TNRC6B: variants seen among roughly 807,000 people sequenced by gnomAD.
TNRC6B encodes trinucleotide repeat-containing gene 6B protein.
TNRC6B carries 52 observed loss-of-function variants against 203.6 expected under a neutral mutation model. That is an observed-to-expected ratio of 0.26 (90% confidence interval 0.20 to 0.32). The LOEUF is 0.32. Among genes scored for constraint, TNRC6B ranks in the 10% least tolerant of loss-of-function variants. The probability of loss-of-function intolerance (pLI) is 1.00; values close to 1 mark genes in which losing one functional copy is unlikely to be tolerated. For synonymous variants in TNRC6B, 838 were observed against 845.7 expected, an observed-to-expected ratio of 0.99 and a Z score of 0.16; for missense variants, 1,923 against 2,286.2, an observed-to-expected ratio of 0.84 and a Z score of 3.24.
chr22:40,059,559 A>G (rs1432910772), intron 1 of TNRC6B, among the ~76,000 whole-genome samples: 1 of 152,150 alleles, frequency 6.6e-6, no homozygotes, highest in Non-Finnish European at 1.5e-5. Context: ...TTAGTCTTGT[A>G]TCACTAACTG....
chr22:40,323,495 G>A lies in TNRC6B; in HGVS notation c.*254G>A, dbSNP rs1433670108. On this transcript the variant is annotated 3_prime_UTR_variant, in exon 23 of 23. Transcript: ENST00000454349. ...CTCTTGAAATACTTGAATCATGAAC[G>A]CCAACCTAGAAAGACAATGTGAAGC... 1.2e-4 allele frequency: 44 copies of A among 363,264 alleles called. No homozygotes were observed. In the East Asian group the frequency reaches 2.0e-3, roughly 16 times the overall value. The allele number at this position is 363,264 out of a possible 1,614,324, so 22.5% of individuals were successfully genotyped here. A position where few individuals can be genotyped will look rare whatever the true frequency, so the allele number is the denominator to read the frequency against.
At chr22:40,079,114 T>G (rs1357752542) in intron 1 of TNRC6B, among the ~76,000 whole-genome samples, 1 of 151,226 alleles carries the variant, frequency 6.6e-6, no homozygotes, top group African/African-American at 2.4e-5. Flanking sequence ...GGTTTCGCCG[T>G]GTTGCCCAGG....
chr22:40,072,124 T>G (rs1414963043), intron 1 of TNRC6B, among the ~76,000 whole-genome samples: 2 of 152,224 alleles, frequency 1.3e-5, no homozygotes, highest in African/African-American at 4.8e-5. Flanking sequence ...CTCAAAGCAC[T>G]GGGATTACAA....
Position 40,163,064 on chromosome 22 carries a change from A to G in TNRC6B, c.113+6882A>G, listed in dbSNP as rs572450074. 4.8e-4 allele frequency among the ~76,000 whole-genome samples: 73 copies of G among 152,222 alleles called. No homozygotes were observed. In the Middle Eastern group the frequency reaches 0.041, roughly 85 times the overall value. ...AGTCTCAGAATCGTAATAAATTCTG[A>G]ATTCTATTTTGTTTGATTTTTCTTG... is the stretch of plus-strand genomic sequence containing the variant. On this transcript the variant is annotated intron_variant, in intron 4 of 23. Coordinates refer to the TNRC6B transcript ENST00000301923.
rs1249908957 is a variant in TNRC6B, at chr22:40,181,189, G to A, written c.5+3049G>A. 2.6e-5 allele frequency among the ~76,000 whole-genome samples: 4 copies of A among 152,068 alleles called. No homozygotes were observed. The East Asian group carries it at 5.8e-4, about 22-fold the overall frequency. ...GATGGTCCTTTAAAAATAAACTTCC[G>A]AACATTGAAGCAGAGACTTCTAAGG... is the stretch of plus-strand genomic sequence containing the variant. On this transcript the variant is annotated intron_variant, in intron 1 of 22. Transcript: ENST00000454349.
At chr22:40,194,249 C>T (rs2146397589) in intron 1 of TNRC6B, among the ~76,000 whole-genome samples, 1 of 152,320 alleles carries the variant, frequency 6.6e-6, no homozygotes, top group South Asian at 2.1e-4. Context: ...CTGGGGTAAA[C>T]CCCGGGCAGA....
intron 20 of TNRC6B, 125 bp downstream of exon 20, chr22:40,315,632 G>A: frequency 2.7e-6 from 3 of 1,128,116 alleles, no homozygotes; most frequent in Non-Finnish European, 3.7e-6. Context: ...TTTTTCTTCT[G>A]GTAGAGGAAA....
chr22:40,329,543 A>G lies in TNRC6B; in HGVS notation c.*6302A>G, dbSNP rs1165693124. On this transcript the variant is annotated 3_prime_UTR_variant, in exon 23 of 23. Coordinates refer to ENST00000454349, the MANE Select transcript of TNRC6B (RefSeq NM_001162501.2). Reference sequence around the variant, plus strand: ...ACATAGTAATAACAATAAAAATTCAACATCGACCCTCCCTAACCTGCTCAC... The same window carrying G: ...ACATAGTAATAACAATAAAAATTCAGCATCGACCCTCCCTAACCTGCTCAC... The G allele has an allele frequency of 6.6e-6, 1 of 152,166 alleles. No individual in the cohort carries two copies. The highest frequency in any genetic ancestry group is 1.5e-5 in the Non-Finnish European group (1 of 68,044). 9.4% of individuals were successfully genotyped at this position (152,166 alleles called of 1,614,324 possible). A position where few individuals can be genotyped will look rare whatever the true frequency, so the allele number is the denominator to read the frequency against.
intron 1 of TNRC6B, among the ~76,000 whole-genome samples, chr22:40,062,872 C>T (rs992420109): frequency 1.3e-5 from 2 of 151,652 alleles, no homozygotes; most frequent in African/African-American, 2.4e-5. Flanking sequence ...TTTTTAGACA[C>T]GTTTTGTGAA....
intron 7 of TNRC6B, among the ~76,000 whole-genome samples, chr22:40,273,942 T>C (rs1261650998): frequency 6.6e-6 from 1 of 152,150 alleles, no homozygotes; most frequent in Non-Finnish European, 1.5e-5. Flanking sequence ...CTACCATGCC[T>C]AGCCAGAACT....
Position 40,241,404 on chromosome 22 carries a change from G to C in TNRC6B, c.6-4611G>C, listed in dbSNP as rs187886562. The stretch of plus-strand genomic sequence containing the variant: ...GTGAGATTTGCCGCACATTGCATTT[G>C]GTTGTTAGGTCTTTGCAGTCTCCTT... On this transcript the variant is annotated intron_variant, in intron 1 of 22. Coordinates refer to ENST00000454349, the MANE Select transcript of TNRC6B (RefSeq NM_001162501.2). Among the ~76,000 whole-genome samples, 179 of 152,276 alleles carry C rather than the reference G, an allele frequency of 1.2e-3. 2 individuals carry two copies. Among genetic ancestry groups the C allele is most frequent in the Non-Finnish European group, 2.4e-3 (160 of 68,014 alleles).
intron 3 of TNRC6B, among the ~76,000 whole-genome samples, chr22:40,126,055 T>C (rs552743894): frequency 6.6e-6 from 1 of 152,314 alleles, no homozygotes; most frequent in South Asian, 2.1e-4. Flanking sequence ...AAAACAATTT[T>C]ACTGAACTAC....
intron 7 of TNRC6B, among the ~76,000 whole-genome samples, chr22:40,274,718 G>A (rs1187267610): frequency 6.6e-6 from 1 of 152,186 alleles, no homozygotes; most frequent in Admixed American, 6.5e-5. Context: ...TCTGCGCCCA[G>A]CCTAGCAGCT....
chr22:40,136,592 A>G (rs2068602162), intron 3 of TNRC6B, among the ~76,000 whole-genome samples: 1 of 151,458 alleles, frequency 6.6e-6, no homozygotes. Flanking sequence ...CTCTTTTTGT[A>G]GAGACATGGT....
intron 2 of TNRC6B, 148 bp downstream of exon 2, chr22:40,246,250 C>A: frequency 1.9e-6 from 1 of 531,756 alleles, no homozygotes; most frequent in South Asian, 2.3e-5. Context: ...AGTGCAGTGG[C>A]GTGATCTTGG....
At chr22:40,055,920 A>G (rs573423859) in intron 1 of TNRC6B, among the ~76,000 whole-genome samples, 14 of 152,366 alleles carry the variant, frequency 9.2e-5, no homozygotes, top group South Asian at 6.2e-4. Context: ...AGGTCTTTAC[A>G]TATCTCCAAG....
At chr22:40,299,360 C>G (rs1807554) in intron 12 of TNRC6B, among the ~76,000 whole-genome samples, 48,158 of 151,648 alleles carry the variant, frequency 0.32, 8,386 homozygotes, top group South Asian at 0.47. Context: ...CTGCCTCAGC[C>G]TCCCTAGTAG....
rs1476043027 is a variant in TNRC6B at position 40,201,896 on chromosome 22, C to T, written c.5+23756C>T. ...TTCAGGATGCTCAACCAGTAAATTT[C>T]ATGCAACTATTTCAGAATCCGAAAA... On this transcript the variant is annotated intron_variant, in intron 1 of 22. Transcript: ENST00000454349. Among the ~76,000 whole-genome samples, 4 of 152,122 alleles carry T rather than the reference C, an allele frequency of 2.6e-5. 1 individual carries two copies. Among genetic ancestry groups the T allele is most frequent in the East Asian group, 1.9e-4 (1 of 5,202 alleles).
chr22:40,214,943 C>G (rs1349341327), intron 1 of TNRC6B, among the ~76,000 whole-genome samples: 1 of 152,120 alleles, frequency 6.6e-6, no homozygotes, highest in Non-Finnish European at 1.5e-5. Flanking sequence ...GCAGGTCTCC[C>G]TTGGTGCTCC....
Sources: allele counts gnomAD v4.1 joint callset (sites outside exome capture counted in the v4.1 genomes callset), GRCh38; gene constraint gnomAD v4.1.1; transcripts MANE v1.5; gene names NCBI Gene and HGNC (gene_info 2026-07-23, HGNC 2026-07-21).